The following PIP5K1B variants were observed in gnomAD, a reference collection of about 807,000 sequenced individuals.
PIP5K1B encodes phosphatidylinositol-4-phosphate 5-kinase type 1 beta.
In PIP5K1B, 42 loss-of-function variants were observed where a neutral mutation model predicts 67.0. The ratio of observed to expected loss-of-function variants is 0.63; its 90% CI spans 0.49 to 0.81. PIP5K1B has a LOEUF of 0.81. Ranked by LOEUF, PIP5K1B falls within the 30% of genes least tolerant of loss-of-function variation. PIP5K1B has a pLI of 0.00. For synonymous variants in PIP5K1B, 214 were observed against 231.4 expected (o/e 0.92, Z 0.68); for missense variants, 459 against 646.3 (o/e 0.71, Z 3.14).
chr9:68,971,113 T>C (rs1013715293), intron 14 of PIP5K1B, among the ~76,000 whole-genome samples: 1 of 152,142 alleles, frequency 6.6e-6, no homozygotes, highest in African/African-American at 2.4e-5. Context: ...CAACCCGTCA[T>C]CTCCATTAGG....
chr9:68,873,525 T>G lies in PIP5K1B; in HGVS notation c.201-3152T>G, dbSNP rs138976306. ...CTGGACTTTTTGGACTTCTATGCAG[T>G]TCATTGGAGCTCTTTATATTAGGAG... On this transcript the variant is annotated intron_variant, in intron 5 of 15. Transcript: ENST00000265382. 1.6e-3 allele frequency among the ~76,000 whole-genome samples: 244 copies of G among 152,220 alleles called. 2 individuals are homozygous for G. Among genetic ancestry groups the G allele is most frequent in the African/African-American group, 5.4e-3 (226 of 41,546 alleles).
At chr9:68,948,621 G>A (rs1381112966) in intron 14 of PIP5K1B, among the ~76,000 whole-genome samples, 3 of 142,162 alleles carry the variant, frequency 2.1e-5, no homozygotes, top group African/African-American at 7.8e-5. Context: ...CTCCAGCCTG[G>A]GCAACAGAGG....
At chr9:68,980,758 C>T (rs1829851903) in intron 14 of PIP5K1B, among the ~76,000 whole-genome samples, 1 of 152,146 alleles carries the variant, frequency 6.6e-6, no homozygotes, top group African/African-American at 2.4e-5. Flanking sequence ...CTGCCCTTCG[C>T]CTGGATATTC....
At chr9:68,874,271 A>ATAG (rs1823767686) in intron 5 of PIP5K1B, among the ~76,000 whole-genome samples, 1 of 152,196 alleles carries the variant, frequency 6.6e-6, no homozygotes, top group Non-Finnish European at 1.5e-5. Context: ...TGGCCCAAAG[A>ATAG]TAGCTAGATT....
chr9:68,785,777 G>A (rs1156849012), intron 2 of PIP5K1B, among the ~76,000 whole-genome samples: 1 of 152,160 alleles, frequency 6.6e-6, no homozygotes, highest in Non-Finnish European at 1.5e-5. Flanking sequence ...AGGATTGAAT[G>A]GGTTCGTACA....
At chr9:68,862,935 A>G (rs1416292190) in intron 4 of PIP5K1B, among the ~76,000 whole-genome samples, 2 of 152,088 alleles carry the variant, frequency 1.3e-5, no homozygotes, top group Non-Finnish European at 2.9e-5. Context: ...AGCTTGAAGA[A>G]ATAAAAAGAT....
intron 12 of PIP5K1B, among the ~76,000 whole-genome samples, chr9:68,929,827 A>G (rs1826904593): frequency 6.6e-6 from 1 of 151,944 alleles, no homozygotes; most frequent in South Asian, 2.1e-4. Context: ...GCGCCACCAC[A>G]CCCAGCTAAT....
intron 2 of PIP5K1B, among the ~76,000 whole-genome samples, chr9:68,757,012 C>G (rs1054652604): frequency 6.6e-6 from 1 of 152,088 alleles, no homozygotes; most frequent in Non-Finnish European, 1.5e-5. Flanking sequence ...AGTTTAGACA[C>G]GCAGGTTTCA....
At chr9:68,793,101 A>T (rs1832080373) in intron 2 of PIP5K1B, among the ~76,000 whole-genome samples, 1 of 151,846 alleles carries the variant, frequency 6.6e-6, no homozygotes, top group Non-Finnish European at 1.5e-5. Flanking sequence ...GTATACACAT[A>T]TAGTGTATGT....
intron 2 of PIP5K1B, among the ~76,000 whole-genome samples, chr9:68,803,304 C>G (rs36041651): frequency 1.4e-4 from 21 of 152,156 alleles, no homozygotes; most frequent in Non-Finnish European, 2.9e-4. Context: ...TCAAGAAAGT[C>G]TGGGCTCAAA....
intron 4 of PIP5K1B, among the ~76,000 whole-genome samples, chr9:68,840,642 C>T (rs1821868681): frequency 6.6e-6 from 1 of 152,112 alleles, no homozygotes; most frequent in Admixed American, 6.5e-5. Context: ...CCTTTAAAGC[C>T]AACAATGGCA....
chr9:68,718,767 G>C (rs991985247), intron 1 of PIP5K1B, among the ~76,000 whole-genome samples: 1 of 152,084 alleles, frequency 6.6e-6, no homozygotes, highest in Non-Finnish European at 1.5e-5. Flanking sequence ...GGAATGCAAG[G>C]CTCTTTGCCC....
chr9:68,892,513 C>G (rs777118458), intron 7 of PIP5K1B, among the ~76,000 whole-genome samples: 41 of 151,822 alleles, frequency 2.7e-4, no homozygotes, highest in Non-Finnish European at 5.2e-4. Context: ...GGGATTTAAA[C>G]TCAATTGGAA....
chr9:68,887,303 A>G (rs533156739), intron 6 of PIP5K1B, among the ~76,000 whole-genome samples: 1 of 152,320 alleles, frequency 6.6e-6, no homozygotes, highest in African/African-American at 2.4e-5. Context: ...GTTATTTTTT[A>G]AATACAGCAA....
chr9:68,968,342 A>C (rs1829148855), intron 14 of PIP5K1B, among the ~76,000 whole-genome samples: 1 of 152,158 alleles, frequency 6.6e-6, no homozygotes. Context: ...CAACATGGCA[A>C]AACCCTGTCT....
chr9:68,774,556 A>G (rs1830820578), intron 2 of PIP5K1B, among the ~76,000 whole-genome samples: 1 of 152,228 alleles, frequency 6.6e-6, no homozygotes, highest in South Asian at 2.1e-4. Context: ...AGAAACGTGT[A>G]TACATTTCAA....
chr9:68,787,232 G>A (rs1017151923), intron 2 of PIP5K1B, among the ~76,000 whole-genome samples: 4 of 152,194 alleles, frequency 2.6e-5, no homozygotes, highest in Non-Finnish European at 1.5e-5. Context: ...TGGAAAGAAG[G>A]CAGGCCACCT....
intron 2 of PIP5K1B, chr9:68,783,489 G>A (rs1831422089): frequency 6.0e-6 from 1 of 166,912 alleles, no homozygotes; most frequent in Non-Finnish European, 1.5e-5. Context: ...TTTTAATTAT[G>A]TAAAATTCAT....
chr9:68,888,831 C>A, intron 6 of PIP5K1B, 150 bp from the exon 7 acceptor site: 2 of 514,508 alleles, frequency 3.9e-6, no homozygotes, highest in Non-Finnish European at 6.9e-6. Context: ...TCAAAAAGAG[C>A]CTTCTCGGTA....
Sources: gnomAD v4.1 joint callset for allele counts (sites outside exome capture counted in the v4.1 genomes callset) on GRCh38, gnomAD v4.1.1 for gene constraint, MANE v1.5 for transcripts, NCBI Gene and HGNC (gene_info 2026-07-23, HGNC 2026-07-21) for gene names.